Variants in HELLS observed in about 807,000 individuals in gnomAD.
HELLS encodes the protein lymphoid-specific helicase.
A neutral mutation model predicts 120.0 loss-of-function variants in HELLS; 32 were observed. The ratio of observed to expected loss-of-function variants is 0.27; its 90% CI spans 0.20 to 0.36. The LOEUF (loss-of-function observed/expected upper bound fraction) is 0.36, where lower values mean the gene tolerates loss of function less well. HELLS is among the 10% of genes least tolerant of loss of function. The probability of loss-of-function intolerance (pLI) is 1.00; values close to 1 mark genes in which losing one functional copy is unlikely to be tolerated. For synonymous variants in HELLS, 341 were observed against 323.4 expected (o/e 1.05, Z -0.58); for missense variants, 650 against 993.4 (o/e 0.65, Z 4.65).
chr10:94,562,742 T>C lies in HELLS; in HGVS notation c.370+15T>C, dbSNP rs1168270920. On this transcript the variant is annotated intron_variant, in intron 5 of 21. Coordinates refer to ENST00000348459, the MANE Select transcript of HELLS (RefSeq NM_018063.5). ...AGAGAAGCCAGGTAAATATCCTTATTCTAGTTTTGAAGAATATGCGTTTAT... is the reference window on the plus strand; with the variant it reads ...AGAGAAGCCAGGTAAATATCCTTATCCTAGTTTTGAAGAATATGCGTTTAT... 3 of 1,580,622 alleles carry C rather than the reference T, an allele frequency of 1.9e-6. No homozygotes were observed. Among genetic ancestry groups the C allele is most frequent in the Non-Finnish European group, 2.6e-6 (3 of 1,158,034 alleles).
At chr10:94,579,761 G>T (rs762109818) in intron 10 of HELLS, among the ~76,000 whole-genome samples, 1 of 151,848 alleles carries the variant, frequency 6.6e-6, no homozygotes, top group Non-Finnish European at 1.5e-5. Context: ...AACTGTCTAG[G>T]CCTCCCAAAG....
intron 12 of HELLS, among the ~76,000 whole-genome samples, chr10:94,587,427 TTG>T (rs149130379): frequency 6.6e-6 from 1 of 150,692 alleles, no homozygotes; most frequent in Non-Finnish European, 1.5e-5. Context: ...TTATACACTT[TTG>T]TGTGTGTGTG....
intron 8 of HELLS, 34 bp downstream of exon 8, chr10:94,574,221 G>T (rs1426677483): frequency 7.3e-7 from 1 of 1,371,660 alleles, no homozygotes; most frequent in South Asian, 1.2e-5. Context: ...CAAGATACTG[G>T]TTTTATTTCT....
chr10:94,581,672 G>T, intron 11 of HELLS, 150 bp downstream of exon 11: 1 of 508,990 alleles, frequency 2.0e-6, no homozygotes. Context: ...CACAAATTAT[G>T]TGAGAGCAGA....
At position 94,592,258 on chromosome 10, in the gene HELLS, G is replaced by A; in HGVS notation, c.1797G>A (p.Gly599=). ...ATGAAGAATTGGTAACAAATTCTGG[G>A]AAGTTCTTGATTTTGGATCGAATGC... ...KIDEELVTNS[G]KFLILDRMLP... is the part of the protein sequence containing the mutation. The change falls in exon 16 of 22, where the codon GGG becomes GGA. Residue 599 remains glycine, a synonymous_variant. Coordinates refer to ENST00000348459, the MANE Select transcript of HELLS (RefSeq NM_018063.5). The A allele has an allele frequency of 6.2e-7, 1 of 1,611,752 alleles. No homozygotes were observed. Among genetic ancestry groups the A allele is most frequent in the South Asian group, 1.1e-5 (1 of 90,566 alleles).
chr10:94,604,065 A>G (rs1278312322), downstream of HELLS, among the ~76,000 whole-genome samples: 2 of 146,706 alleles, frequency 1.4e-5, no homozygotes, highest in African/African-American at 5.0e-5. Context: ...TGACCTTGTG[A>G]TCTGCCCGCC....
At chr10:94,605,643 CT>C (rs1206815493), downstream of HELLS, among the ~76,000 whole-genome samples, 2,606 of 125,056 alleles carry the variant, frequency 0.021, 40 homozygotes, top group African/African-American at 0.067. Context: ...TTAATGGTTC[CT>C]TTTTTTTTTT....
At chr10:94,558,295 T>G in intron 4 of HELLS, 100 bp downstream of exon 4, 3 of 1,357,004 alleles carry the variant, frequency 2.2e-6, no homozygotes, top group Non-Finnish European at 2.9e-6. Flanking sequence ...ATTTTAAGTT[T>G]CTTTAGTGAT....
chr10:94,568,259 TG>T (rs1303801709), intron 6 of HELLS, among the ~76,000 whole-genome samples: 1 of 151,686 alleles, frequency 6.6e-6, no homozygotes, highest in Non-Finnish European at 1.5e-5. Flanking sequence ...TTACACATTA[TG>T]CAGTTGAGCA....
downstream of HELLS, chr10:94,602,194 C>A (rs2134140551): frequency 6.6e-6 from 1 of 152,298 alleles, no homozygotes; most frequent in South Asian, 2.1e-4. Flanking sequence ...TTCTTGGTTT[C>A]ATTCACTAGT....
chr10:94,558,121 GA>G lies in HELLS; in HGVS notation c.277-12del. ...GTTGCACTTTCCACTTGTGACATAA[GA>G]AAAAATTGTCTTACAGGAACAGAAG... On this transcript the variant is annotated splice_polypyrimidine_tract_variant and intron_variant, in intron 3 of 21. Coordinates refer to ENST00000348459, the MANE Select transcript of HELLS (RefSeq NM_018063.5). 1.3e-6 allele frequency: 2 copies of G among 1,552,084 alleles called. No individual in the cohort carries two copies. Among genetic ancestry groups the G allele is most frequent in the African/African-American group, 1.4e-5 (1 of 70,924 alleles).
intron 4 of HELLS, among the ~76,000 whole-genome samples, chr10:94,558,596 T>A (rs1843379092): frequency 6.6e-6 from 1 of 152,092 alleles, no homozygotes; most frequent in Non-Finnish European, 1.5e-5. Flanking sequence ...TGTCTTCTCT[T>A]ACTCTATTTT....
chr10:94,576,022 C>G (rs1371274537), intron 9 of HELLS, among the ~76,000 whole-genome samples: 1 of 152,056 alleles, frequency 6.6e-6, no homozygotes, highest in East Asian at 1.9e-4. Flanking sequence ...GTCTGGAACT[C>G]CCGACCTCAG....
At chr10:94,605,190 C>A (rs1846115962), downstream of HELLS, among the ~76,000 whole-genome samples, 1 of 147,782 alleles carries the variant, frequency 6.8e-6, no homozygotes, top group African/African-American at 2.5e-5. Flanking sequence ...TTAAACTATT[C>A]TCCTGCCTCA....
At chr10:94,560,281 T>C (rs1374513043) in intron 4 of HELLS, among the ~76,000 whole-genome samples, 1 of 152,192 alleles carries the variant, frequency 6.6e-6, no homozygotes, top group African/African-American at 2.4e-5. Context: ...CCACTTGCCT[T>C]GGCCACCCAA....
intron 9 of HELLS, among the ~76,000 whole-genome samples, chr10:94,609,677 G>A (rs1036748176): frequency 1.3e-5 from 2 of 152,176 alleles, no homozygotes; most frequent in African/African-American, 4.8e-5. Context: ...AATGGTGTGA[G>A]ACAAAAATCC....
At position 94,592,219 on chromosome 10, in the gene HELLS, C is replaced by T; in HGVS notation, c.1768-10C>T. The stretch of plus-strand genomic sequence containing the variant: ...TCTCTCTATTTTTTCTTCCTTTGCC[C>T]CTCCTTAAGATCGATGAAGAATTGG... On this transcript the variant is annotated splice_polypyrimidine_tract_variant and intron_variant, in intron 15 of 21. Coordinates refer to ENST00000348459, the MANE Select transcript of HELLS (RefSeq NM_018063.5). The T allele has an allele frequency of 1.3e-6, 2 of 1,580,840 alleles. No homozygotes were observed. The highest frequency in any genetic ancestry group is 1.7e-6 in the Non-Finnish European group (2 of 1,160,738).
At chr10:94,584,639 G>A (rs1845031926) in intron 12 of HELLS, among the ~76,000 whole-genome samples, 1 of 152,156 alleles carries the variant, frequency 6.6e-6, no homozygotes, top group South Asian at 2.1e-4. Context: ...TCACTTACAC[G>A]TTACCTCACA....
At position 94,601,722 on chromosome 10, in the gene HELLS, A is replaced by T. The variant is rs970292304; in HGVS notation, c.*100A>T. On this transcript the variant is annotated 3_prime_UTR_variant, in exon 22 of 22. Transcript: ENST00000348459. ...GATTGTCCACTTCACCTTTTTTATT[A>T]TATCAGTTGACATGTAACTAGTACC... is the stretch of plus-strand genomic sequence containing the variant. The T allele has an allele frequency of 1.6e-5, 10 of 616,292 alleles. No individual in the cohort carries two copies. The highest frequency in any genetic ancestry group is 2.3e-5 in the Non-Finnish European group (8 of 349,686). 38.2% of individuals were successfully genotyped at this position (616,292 alleles called of 1,614,324 possible).
Sources: gnomAD v4.1 joint callset for allele counts (sites outside exome capture counted in the v4.1 genomes callset) on GRCh38, gnomAD v4.1.1 for gene constraint, MANE v1.5 for transcripts, NCBI Gene and HGNC (gene_info 2026-07-23, HGNC 2026-07-21) for gene names.